BRCA1: variants seen among roughly 807,000 people sequenced by gnomAD.
BRCA1 encodes BRCA1 DNA repair associated, also known as breast cancer type 1 susceptibility protein.
BRCA1 carries 140 observed loss-of-function variants against 173.7 expected under a neutral mutation model. That is an observed-to-expected ratio of 0.81 (90% CI 0.70 to 0.93). The LOEUF (loss-of-function observed/expected upper bound fraction) is 0.93, where lower values mean the gene tolerates loss of function less well. Among genes scored for constraint, BRCA1 ranks in the 40% least tolerant of loss-of-function variants. BRCA1 has a pLI of 0.00. For missense variants in BRCA1, 1,983 were observed against 2,172.5 expected, an observed-to-expected ratio of 0.91 and a Z score of 1.73; for synonymous variants, 662 against 756.0, an observed-to-expected ratio of 0.88 and a Z score of 2.04.
Position 43,071,111 on chromosome 17 carries a change from T to G in BRCA1, c.4803A>C (p.Lys1601Asn), listed in dbSNP as rs886037794. 6.2e-7 allele frequency: 1 copy of G among 1,614,090 alleles called. No homozygotes were observed. Among genetic ancestry groups the G allele is most frequent in the Non-Finnish European group, 8.5e-7 (1 of 1,180,034 alleles). ...ATTCTGCAACTTTCAATTGGGGAACTTTCAATGCAGAGGTTGAAGATGGTA... is the reference window on the plus strand; with the variant it reads ...ATTCTGCAACTTTCAATTGGGGAACGTTCAATGCAGAGGTTGAAGATGGTA... ...GNIPSSTSAL[K>N]VPQLKVAESA... The change falls in exon 15 of 23, where the codon AAA (lysine) becomes AAC (asparagine). Residue 1601 changes from lysine to asparagine, a missense_variant. By Grantham distance (94) the Lys-to-Asn change is moderately conservative. Coordinates refer to ENST00000357654, the MANE Select transcript of BRCA1 (RefSeq NM_007294.4).
chr17:43,082,575 G>T lies in BRCA1; in HGVS notation c.4186C>A (p.Gln1396Lys), dbSNP rs80357011. ...SSQSDILTTQ[Q>K]RDTMQHNLIK... ...AGGTTATGTTGCATGGTATCCCTCT[G>T]CTTCAAAAACGATAAATGGCACCAA... Residue 1396 changes from glutamine (Q) to lysine (K), a missense_variant and splice_region_variant, in exon 12 of 23, where the codon CAG becomes AAG. Transcript: ENST00000357654. 1.2e-6 allele frequency: 2 copies of T among 1,613,900 alleles called. No individual in the cohort carries two copies. Among genetic ancestry groups the T allele is most frequent in the African/African-American group, 2.7e-5 (2 of 74,882 alleles).
Position 43,092,820 on chromosome 17 carries a change from T to C in BRCA1, c.2711A>G (p.Glu904Gly). ...CTTTCCTTGATTTTCTTCCTTTTGT[T>C]CACATTCAAAAGTGACTTTTGGACT... ...KQSPKVTFEC[E>G]QKEENQGKNE... The change falls in exon 10 of 23, where the codon GAA becomes GGA. Residue 904 changes from glutamate (E) to glycine (G), a missense_variant. Glu to Gly is a moderately conservative substitution (Grantham distance 98, BLOSUM62 -2). Coordinates refer to ENST00000357654, the MANE Select transcript of BRCA1 (RefSeq NM_007294.4). 6.2e-7 allele frequency: 1 copy of C among 1,614,034 alleles called. No individual in the cohort carries two copies. The highest frequency in any genetic ancestry group is 8.5e-7 in the Non-Finnish European group (1 of 1,179,960).
intron 14 of BRCA1, among the ~76,000 whole-genome samples, chr17:43,072,556 C>T (rs554026214): frequency 8.6e-5 from 13 of 151,368 alleles, no homozygotes; most frequent in Non-Finnish European, 1.3e-4. Context: ...GTGTTTGCCA[C>T]CTTCCAGCTG....
At chr17:43,080,992 G>A (rs1404209073) in intron 12 of BRCA1, among the ~76,000 whole-genome samples, 1 of 152,186 alleles carries the variant, frequency 6.6e-6, no homozygotes, top group Non-Finnish European at 1.5e-5. Flanking sequence ...CAAAACTTAT[G>A]TTGGTATTAA....
intron 1 of BRCA1, chr17:43,132,994 G>C (rs1240666672): frequency 6.6e-6 from 1 of 151,724 alleles, no homozygotes; most frequent in Non-Finnish European, 1.5e-5. Flanking sequence ...GGATGGTCTC[G>C]ATCCCCTGAC....
chr17:43,143,340 G>A (rs1448252859), intron 1 of BRCA1, among the ~76,000 whole-genome samples: 2 of 152,004 alleles, frequency 1.3e-5, no homozygotes, highest in African/African-American at 4.8e-5. Context: ...GGAGATAATT[G>A]GGGCAGGCAG....
chr17:43,133,514 G>A (rs2055988555), intron 1 of BRCA1, among the ~76,000 whole-genome samples: 1 of 152,138 alleles, frequency 6.6e-6, no homozygotes, highest in South Asian at 2.1e-4. Flanking sequence ...TGACATACCA[G>A]TGGGATGTGA....
At chr17:43,064,025 G>A in intron 16 of BRCA1, 74 bp from the exon 17 acceptor site, 2 of 1,341,688 alleles carry the variant, frequency 1.5e-6, no homozygotes, top group Non-Finnish European at 2.1e-6. Flanking sequence ...AGAAGCTAAA[G>A]AGCCTCAGTT....
At chr17:43,145,329 CT>C (rs1555603978) in intron 1 of BRCA1, 26,656 of 394,216 alleles carry the variant, frequency 0.068, no homozygotes, top group Non-Finnish European at 0.078. Context: ...TTTTTTCTTT[CT>C]TTTTTTTTTT....
chr17:43,152,127 T>G (rs1432017037), intron 1 of BRCA1, among the ~76,000 whole-genome samples: 1 of 152,350 alleles, frequency 6.6e-6, no homozygotes, highest in South Asian at 2.1e-4. Flanking sequence ...CACCACCACA[T>G]ACTTTCAAAA....
At chr17:43,104,752 TA>T (rs2154551017) in intron 5 of BRCA1, 115 bp downstream of exon 5, 1 of 923,676 alleles carries the variant, frequency 1.1e-6, no homozygotes, top group Non-Finnish European at 1.8e-6. Context: ...GATACAGAAC[TA>T]AAATTAACCT....
intron 1 of BRCA1, among the ~76,000 whole-genome samples, chr17:43,165,381 T>C (rs1422497208): frequency 6.6e-6 from 1 of 152,186 alleles, no homozygotes. Context: ...ACAATAATTA[T>C]TTTTAACCTT....
At chr17:43,124,250 T>C in intron 1 of BRCA1, 135 bp from the exon 2 acceptor site, 2 of 597,982 alleles carry the variant, frequency 3.3e-6, no homozygotes, top group Non-Finnish European at 5.8e-6. Flanking sequence ...AAAGAACTAA[T>C]GACAACGTCC....
At chr17:43,058,706 A>G (rs745516448) in intron 18 of BRCA1, among the ~76,000 whole-genome samples, 4 of 152,220 alleles carry the variant, frequency 2.6e-5, no homozygotes, top group Non-Finnish European at 5.9e-5. Context: ...AATCAATTGT[A>G]TATTATCATC....
intron 22 of BRCA1, among the ~76,000 whole-genome samples, chr17:43,046,169 C>T (rs1234948417): frequency 2.0e-5 from 3 of 150,984 alleles, no homozygotes; most frequent in Non-Finnish European, 4.4e-5. Context: ...GTGATCCACC[C>T]ACCTTGGCCT....
chr17:43,127,074 C>A (rs1389235867), upstream of BRCA1, among the ~76,000 whole-genome samples: 1 of 152,224 alleles, frequency 6.6e-6, no homozygotes, highest in African/African-American at 2.4e-5. Context: ...GGCTCAGGAC[C>A]TGCAGCCCGC....
chr17:43,072,163 G>A (rs1427064686), intron 14 of BRCA1, among the ~76,000 whole-genome samples: 1 of 151,868 alleles, frequency 6.6e-6, no homozygotes, highest in African/African-American at 2.4e-5. Context: ...CAAGGTGGGC[G>A]GATCACCTGA....
chr17:43,139,357 G>A (rs867442658), intron 1 of BRCA1, among the ~76,000 whole-genome samples: 1 of 150,972 alleles, frequency 6.6e-6, no homozygotes, highest in East Asian at 1.9e-4. Context: ...CCTAATACCC[G>A]ATAGTTTTTT....
intron 12 of BRCA1, among the ~76,000 whole-genome samples, chr17:43,077,721 ATTT>A (rs1244566422): frequency 1.3e-5 from 2 of 149,030 alleles, no homozygotes; most frequent in African/African-American, 5.0e-5. Context: ...AGAAGTACTT[ATTT>A]ATTTATTTTT....
Sources: gnomAD v4.1 joint callset for allele counts (sites outside exome capture counted in the v4.1 genomes callset) on GRCh38, gnomAD v4.1.1 for gene constraint, MANE v1.5 for transcripts, NCBI Gene and HGNC (gene_info 2026-07-23, HGNC 2026-07-21) for gene names.